Variants in PRKG1 observed in about 807,000 individuals in gnomAD.
The protein encoded by PRKG1 is protein kinase cGMP-dependent 1.
Under a neutral mutation model 88.1 loss-of-function variants are expected in PRKG1, and 35 were observed. The observed-to-expected ratio is 0.40, with a 90% CI of 0.30 to 0.53. PRKG1 has a LOEUF of 0.53. Among genes scored for constraint, PRKG1 ranks in the 20% least tolerant of loss-of-function variants. PRKG1 has a pLI of 0.59. For synonymous variants in PRKG1, 303 were observed against 292.5 expected (o/e 1.04, Z -0.37); for missense variants, 540 against 839.8 (o/e 0.64, Z 4.41).
chr10:51,099,487 G>A (rs971459821), intron 1 of PRKG1, among the ~76,000 whole-genome samples: 2 of 151,888 alleles, frequency 1.3e-5, no homozygotes, highest in Non-Finnish European at 2.9e-5. Flanking sequence ...TTAAAGAGGT[G>A]TTTGTGGGCT....
chr10:51,677,116 G>A (rs146159454), intron 3 of PRKG1, among the ~76,000 whole-genome samples: 7 of 152,138 alleles, frequency 4.6e-5, no homozygotes, highest in South Asian at 2.1e-4. Flanking sequence ...TCCTATTTCT[G>A]GGATGGAATT....
chr10:51,899,937 G>T (rs1049350034), intron 4 of PRKG1, among the ~76,000 whole-genome samples: 1 of 151,848 alleles, frequency 6.6e-6, no homozygotes, highest in South Asian at 2.1e-4. Context: ...TTGTTTAAAA[G>T]AGCCTGGCAC....
intron 9 of PRKG1, among the ~76,000 whole-genome samples, chr10:52,163,566 G>C (rs1272379969): frequency 6.6e-6 from 1 of 151,906 alleles, no homozygotes; most frequent in Admixed American, 6.6e-5. Context: ...AACTTTAGAA[G>C]GATTTTCTAA....
At chr10:51,019,417 T>C (rs1273067971) in intron 1 of PRKG1, among the ~76,000 whole-genome samples, 1 of 152,114 alleles carries the variant, frequency 6.6e-6, no homozygotes, top group Non-Finnish European at 1.5e-5. Flanking sequence ...TTCAAACAAA[T>C]GGTGGTAGGA....
intron 9 of PRKG1, among the ~76,000 whole-genome samples, chr10:52,221,896 A>T (rs1840254512): frequency 6.6e-6 from 1 of 152,234 alleles, no homozygotes; most frequent in South Asian, 2.1e-4. Flanking sequence ...GGGCTATTGG[A>T]TTAAGTGCTT....
intron 9 of PRKG1, among the ~76,000 whole-genome samples, chr10:52,201,684 G>A (rs1839672689): frequency 6.6e-6 from 1 of 152,020 alleles, no homozygotes; most frequent in South Asian, 2.1e-4. Flanking sequence ...CTATTTATGA[G>A]CATGTAATAT....
chr10:51,000,071 A>G (rs891890739), intron 1 of PRKG1, among the ~76,000 whole-genome samples: 1 of 152,254 alleles, frequency 6.6e-6, no homozygotes, highest in Non-Finnish European at 1.5e-5. Context: ...AGAGAAAAAT[A>G]TCACTCCAAA....
intron 2 of PRKG1, among the ~76,000 whole-genome samples, chr10:51,371,174 A>G (rs1842698560): frequency 6.6e-6 from 1 of 152,070 alleles, no homozygotes; most frequent in Non-Finnish European, 1.5e-5. Flanking sequence ...TTCCAACTTC[A>G]TTGCTTAATA....
intron 2 of PRKG1, among the ~76,000 whole-genome samples, chr10:51,298,142 A>G (rs373671841): frequency 4.6e-5 from 7 of 152,006 alleles, no homozygotes; most frequent in African/African-American, 1.7e-4. Flanking sequence ...AACTAATATT[A>G]TCCATTTTAT....
In PRKG1 at chr10:52,288,907, A is replaced by G. The variant is rs200771989; in HGVS notation, c.1833-24A>G. 1.7e-5 allele frequency: 27 copies of G among 1,598,958 alleles called. No homozygotes were observed. The East Asian group carries it at 5.8e-4, about 34-fold the overall frequency. On this transcript the variant is annotated intron_variant, in intron 15 of 17. Transcript: ENST00000373980. The stretch of plus-strand genomic sequence containing the variant: ...TCATAATGTGAAAAAATTAGATTTA[A>G]TAAAACCATTATTTTATTTTTAGGG...
intron 3 of PRKG1, among the ~76,000 whole-genome samples, chr10:51,795,782 G>A (rs1838994751): frequency 6.6e-6 from 1 of 152,028 alleles, no homozygotes; most frequent in African/African-American, 2.4e-5. Context: ...CATGAAGTAG[G>A]AGAAAAAGCT....
intron 3 of PRKG1, among the ~76,000 whole-genome samples, chr10:51,543,828 C>CG (rs1842375894): frequency 6.6e-6 from 1 of 152,108 alleles, no homozygotes; most frequent in Non-Finnish European, 1.5e-5. Context: ...TCCTTCAAAT[C>CG]AAAGCTGACA....
chr10:52,202,950 T>C (rs1005042015), intron 9 of PRKG1, among the ~76,000 whole-genome samples: 1 of 152,090 alleles, frequency 6.6e-6, no homozygotes, highest in Non-Finnish European at 1.5e-5. Flanking sequence ...TTCTTATTTA[T>C]TCTTTCAAAG....
At chr10:51,475,775 G>T (rs1164105343) in intron 3 of PRKG1, among the ~76,000 whole-genome samples, 2 of 151,866 alleles carry the variant, frequency 1.3e-5, no homozygotes, top group African/African-American at 4.8e-5. Flanking sequence ...ATCATGGACT[G>T]TCGAGCCATG....
intron 2 of PRKG1, among the ~76,000 whole-genome samples, chr10:51,273,286 G>C (rs1372426721): frequency 6.6e-6 from 1 of 150,928 alleles, no homozygotes; most frequent in Non-Finnish European, 1.5e-5. Flanking sequence ...TGAGGAAGGA[G>C]GATTGCTGGA....
intron 7 of PRKG1, among the ~76,000 whole-genome samples, chr10:52,068,918 C>T (rs564979073): frequency 6.6e-6 from 1 of 152,172 alleles, no homozygotes; most frequent in Non-Finnish European, 1.5e-5. Flanking sequence ...GGAACAGACC[C>T]CTGAATGCCA....
intron 3 of PRKG1, among the ~76,000 whole-genome samples, chr10:51,558,050 G>A (rs547320583): frequency 6.6e-6 from 1 of 152,090 alleles, no homozygotes; most frequent in South Asian, 2.1e-4. Flanking sequence ...ATGTTTTGAT[G>A]TAGGCCTATT....
chr10:52,080,541 G>A (rs1489630108), intron 7 of PRKG1, among the ~76,000 whole-genome samples: 1 of 152,044 alleles, frequency 6.6e-6, no homozygotes, highest in Admixed American at 6.6e-5. Flanking sequence ...ATGAAGGCAA[G>A]CAAACTGAGA....
At chr10:51,428,147 G>A (rs1471902963) in intron 2 of PRKG1, among the ~76,000 whole-genome samples, 6 of 152,102 alleles carry the variant, frequency 3.9e-5, no homozygotes, top group African/African-American at 7.2e-5. Context: ...AACTTCTATC[G>A]CATCTGAATA....
Sources: allele counts gnomAD v4.1 joint callset (sites outside exome capture counted in the v4.1 genomes callset), GRCh38; gene constraint gnomAD v4.1.1; transcripts MANE v1.5; gene names NCBI Gene and HGNC (gene_info 2026-07-23, HGNC 2026-07-21).